SLC25A18: variants seen among roughly 807,000 people sequenced by gnomAD.
SLC25A18 encodes solute carrier family 25 member 18, also known as mitochondrial glutamate carrier 2.
Under a neutral mutation model 31.1 loss-of-function variants are expected in SLC25A18, and 24 were observed. The observed-to-expected ratio is 0.77, with a 90% CI of 0.56 to 1.08. SLC25A18 has a LOEUF of 1.08. SLC25A18 is among the 50% of genes least tolerant of loss of function. SLC25A18 has a pLI of 0.00. For synonymous variants in SLC25A18, 173 were observed against 161.9 expected (o/e 1.07, Z -0.52); for missense variants, 371 against 418.5 (o/e 0.89, Z 0.99).
At chr22:17,587,792 A>G in intron 8 of SLC25A18, 133 bp from the exon 9 acceptor site, 1 of 1,105,396 alleles carries the variant, frequency 9.0e-7, no homozygotes, top group Non-Finnish European at 1.3e-6. Flanking sequence ...CTCACGGGGC[A>G]CAAAAGAAGG....
chr22:17,563,643 C>T lies in SLC25A18; in HGVS notation c.-334C>T, dbSNP rs749784917. 1.0e-6 allele frequency: 1 copy of T among 984,756 alleles called. No individual in the cohort carries two copies. The highest frequency in any genetic ancestry group is 1.7e-5 in the African/African-American group (1 of 57,202). 61.0% of individuals were successfully genotyped at this position (984,756 alleles called of 1,614,324 possible). A position where few individuals can be genotyped will look rare whatever the true frequency, so the allele number is the denominator to read the frequency against. On this transcript the variant is annotated 5_prime_UTR_variant, in exon 1 of 11. Transcript: ENST00000327451. ...GAACTGAGTAGGCAGTGAGAAGAGT[C>T]GAGTGAAGCCTGGCCCGTGAGTGCC...
chr22:17,576,375 AG>A (rs2057230460), intron 2 of SLC25A18, among the ~76,000 whole-genome samples: 1 of 152,040 alleles, frequency 6.6e-6, no homozygotes, highest in Non-Finnish European at 1.5e-5. Context: ...GAAAAAAAAA[AG>A]AAGTCTATTC....
At position 17,569,682 on chromosome 22, in the gene SLC25A18, G is replaced by C. The variant is rs1490498169; in HGVS notation, c.-263-242G>C. On this transcript the variant is annotated intron_variant, in intron 1 of 10. Transcript: ENST00000327451. Reference sequence around the variant, plus strand: ...TTTTCCCAGCCTGGACTTTTTGTCCGAGTCATACTAGCCACCAAGTAAACA... The same window carrying C: ...TTTTCCCAGCCTGGACTTTTTGTCCCAGTCATACTAGCCACCAAGTAAACA... 2.3e-5 allele frequency: 23 copies of C among 985,404 alleles called. 1 individual carries two copies. In the South Asian group the frequency reaches 9.4e-4, roughly 40 times the overall value. 61.0% of individuals were successfully genotyped at this position (985,404 alleles called of 1,614,324 possible). A position where few individuals can be genotyped will look rare whatever the true frequency, so the allele number is the denominator to read the frequency against.
intron 2 of SLC25A18, among the ~76,000 whole-genome samples, chr22:17,574,602 C>T (rs1192995308): frequency 2.0e-5 from 3 of 150,418 alleles, no homozygotes; most frequent in African/African-American, 2.5e-5. Flanking sequence ...CTGCAATCAC[C>T]ACCTCCCGGG....
chr22:17,577,987 T>G (rs1209690937), intron 2 of SLC25A18, among the ~76,000 whole-genome samples: 1 of 149,070 alleles, frequency 6.7e-6, no homozygotes, highest in Non-Finnish European at 1.5e-5. Flanking sequence ...TCTTTTTTTT[T>G]TTTTCTTCTT....
At chr22:17,572,130 C>T (rs1006891855) in intron 2 of SLC25A18, among the ~76,000 whole-genome samples, 11 of 149,574 alleles carry the variant, frequency 7.4e-5, no homozygotes, top group African/African-American at 2.5e-4. Flanking sequence ...GGGGTTGCAG[C>T]GAGCCGAGAT....
chr22:17,564,190 C>A (rs1274163628), intron 1 of SLC25A18, among the ~76,000 whole-genome samples: 1 of 152,240 alleles, frequency 6.6e-6, no homozygotes, highest in East Asian at 1.9e-4. Flanking sequence ...CAGCGTAGAT[C>A]TGCAGAAACT....
Position 17,590,316 on chromosome 22 carries a change from T to A in SLC25A18, c.*80T>A. The stretch of plus-strand genomic sequence containing the variant: ...TTAGCCTAGAGGGGGCAAGGGCAGG[T>A]GGGGCCACTCTGGCCTGCCTGGTCC... On this transcript the variant is annotated 3_prime_UTR_variant, in exon 11 of 11. Coordinates refer to ENST00000327451, the MANE Select transcript of SLC25A18 (RefSeq NM_031481.3). 1 of 1,577,824 alleles carries A rather than the reference T, an allele frequency of 6.3e-7. No homozygotes were observed. Among genetic ancestry groups the A allele is most frequent in the Non-Finnish European group, 8.7e-7 (1 of 1,155,296 alleles).
chr22:17,568,666 A>G (rs1009595946), intron 1 of SLC25A18, among the ~76,000 whole-genome samples: 2 of 127,890 alleles, frequency 1.6e-5, no homozygotes, highest in African/African-American at 6.0e-5. Context: ...GATTCACGCC[A>G]TTCTCCTGCC....
intron 2 of SLC25A18, among the ~76,000 whole-genome samples, chr22:17,574,619 C>T (rs2057181874): frequency 6.7e-6 from 1 of 149,636 alleles, no homozygotes; most frequent in Non-Finnish European, 1.5e-5. Context: ...CGGGTTCAAG[C>T]GATTCTCCTG....
chr22:17,566,505 C>T (rs907199395), intron 1 of SLC25A18, among the ~76,000 whole-genome samples: 3 of 152,094 alleles, frequency 2.0e-5, no homozygotes, highest in Non-Finnish European at 4.4e-5. Flanking sequence ...CTCCGCCTCA[C>T]GGGTTCAAGC....
intron 7 of SLC25A18, among the ~76,000 whole-genome samples, chr22:17,584,473 A>AG (rs1569190772): frequency 1.6e-4 from 18 of 115,154 alleles, no homozygotes; most frequent in East Asian, 1.5e-3. Context: ...GAGAGAGAGA[A>AG]AGAAAGAAAG....
At chr22:17,569,166 G>A (rs985559628) in intron 1 of SLC25A18, among the ~76,000 whole-genome samples, 28 of 151,740 alleles carry the variant, frequency 1.8e-4, no homozygotes, top group Non-Finnish European at 2.7e-4. Context: ...CCGCCACCAC[G>A]CCCAGCTAAT....
At chr22:17,575,765 C>A (rs866722838) in intron 2 of SLC25A18, among the ~76,000 whole-genome samples, 1 of 152,178 alleles carries the variant, frequency 6.6e-6, no homozygotes, top group Non-Finnish European at 1.5e-5. Context: ...TAAGAACATG[C>A]AAACATGCTA....
At chr22:17,585,647 A>ATTTTTTTT (rs1449640998) in intron 7 of SLC25A18, among the ~76,000 whole-genome samples, 2 of 138,394 alleles carry the variant, frequency 1.4e-5, no homozygotes, top group African/African-American at 5.8e-5. Flanking sequence ...TATTATTATT[A>ATTTTTTTT]TTATTTTTTT....
At chr22:17,574,860 TG>T (rs201553981) in intron 2 of SLC25A18, among the ~76,000 whole-genome samples, 908 of 71,546 alleles carry the variant, frequency 0.013, 35 homozygotes, top group African/African-American at 0.058. Context: ...TATTTATATA[TG>T]TATTTTTTGA....
intron 1 of SLC25A18, among the ~76,000 whole-genome samples, chr22:17,568,291 T>C (rs908709370): frequency 7.0e-6 from 1 of 143,378 alleles, no homozygotes; most frequent in Non-Finnish European, 1.5e-5. Flanking sequence ...GGCGTGAACG[T>C]GGGAGGCTGA....
chr22:17,580,566 G>T, intron 3 of SLC25A18: 1 of 990,304 alleles, frequency 1.0e-6, no homozygotes, highest in Non-Finnish European at 1.2e-6. Context: ...CCCCAGGCAC[G>T]GTTTCCATAG....
At chr22:17,570,559 A>G (rs1601268830) in intron 2 of SLC25A18, among the ~76,000 whole-genome samples, 1 of 152,222 alleles carries the variant, frequency 6.6e-6, no homozygotes, top group African/African-American at 2.4e-5. Flanking sequence ...ATGGCGGCTC[A>G]CCGCAACCTC....
Sources: gnomAD v4.1 joint callset for allele counts (sites outside exome capture counted in the v4.1 genomes callset) on GRCh38, gnomAD v4.1.1 for gene constraint, MANE v1.5 for transcripts, NCBI Gene and HGNC (gene_info 2026-07-23, HGNC 2026-07-21) for gene names.